SLC25A43: variants seen among roughly 807,000 people sequenced by gnomAD.
SLC25A43 encodes solute carrier family 25 member 43.
Under a neutral mutation model 22.8 loss-of-function variants are expected in SLC25A43, and 10 were observed. That is an observed-to-expected ratio of 0.44 (90% CI 0.27 to 0.74). The LOEUF is 0.74. SLC25A43 is among the 30% of genes least tolerant of loss of function. SLC25A43 has a pLI of 0.17. For missense variants in SLC25A43, 233 were observed against 279.1 expected, an observed-to-expected ratio of 0.83 and a Z score of 1.18; for synonymous variants, 106 against 121.6, an observed-to-expected ratio of 0.87 and a Z score of 0.84.
In SLC25A43 at chrX:119,453,029, A is replaced by G; in HGVS notation, c.990A>G (p.Lys330=). 1 of 1,211,385 alleles carries G rather than the reference A, an allele frequency of 8.3e-7. No homozygotes were observed. The highest frequency in any genetic ancestry group is 1.8e-5 in the South Asian group (1 of 56,971). ...QELRELKKFF[K]TRKPKPKKPT... is the part of the protein sequence containing the mutation. ...TACGAGAATTAAAGAAGTTCTTCAA[A>G]ACGAGAAAACCGAAGCCTAAAAAAC... The change falls in exon 5 of 5, where the codon AAA becomes AAG. Residue 330 remains lysine, a synonymous_variant. Transcript: ENST00000217909.
intron 4 of SLC25A43, among the ~76,000 whole-genome samples, chrX:119,452,492 CAAA>C (rs376677564): frequency 1.5e-5 from 1 of 66,072 alleles, no homozygotes; most frequent in Non-Finnish European, 3.0e-5. Flanking sequence ...AACTCCATGA[CAAA>C]AAAAAAAAAA....
At position 119,406,280 on chromosome X, in the gene SLC25A43, G is replaced by A. The variant is rs776534777; in HGVS notation, c.276-180G>A. ...GTTAGGCATCTCTTATAGCCAACTA[G>A]CATCATATAAATATAGAAAAATGTA... On this transcript the variant is annotated intron_variant, in intron 1 of 4. Transcript: ENST00000217909. 1.5e-3 allele frequency among the ~76,000 whole-genome samples: 172 copies of A among 112,373 alleles called. 1 individual carries two copies. Among genetic ancestry groups the A allele is most frequent in the African/African-American group, 5.3e-3 (165 of 31,007 alleles).
At chrX:119,434,168 CAG>C (rs1282933351) in intron 3 of SLC25A43, among the ~76,000 whole-genome samples, 1 of 110,271 alleles carries the variant, frequency 9.1e-6, no homozygotes, top group African/African-American at 3.3e-5. Flanking sequence ...AGGTGAGAGA[CAG>C]AGAAAACTTA....
At chrX:119,419,424 G>A (rs1468296987) in intron 3 of SLC25A43, among the ~76,000 whole-genome samples, 1 of 111,752 alleles carries the variant, frequency 8.9e-6, no homozygotes, top group Non-Finnish European at 1.9e-5. Flanking sequence ...GAGTGGTACA[G>A]CTGACTGAGC....
chrX:119,446,560 G>C (rs182603284), intron 3 of SLC25A43, among the ~76,000 whole-genome samples: 19 of 112,608 alleles, frequency 1.7e-4, no homozygotes, highest in South Asian at 1.5e-3. Flanking sequence ...TTACATCTTA[G>C]TAAAATAGAA....
intron 2 of SLC25A43, 113 bp downstream of exon 2, chrX:119,406,814 T>G (rs1365566240): frequency 1.1e-6 from 1 of 908,586 alleles, no homozygotes; most frequent in Admixed American, 3.3e-5. Flanking sequence ...CAAGGTTATA[T>G]GGATTCAACC....
intron 3 of SLC25A43, among the ~76,000 whole-genome samples, chrX:119,412,407 C>T (rs2052358299): frequency 9.2e-6 from 1 of 108,180 alleles, no homozygotes; most frequent in Non-Finnish European, 1.9e-5. Flanking sequence ...CAGAGTCTCA[C>T]TCTGACACCC....
At chrX:119,425,627 GAAA>G (rs58579795) in intron 3 of SLC25A43, among the ~76,000 whole-genome samples, 1 of 85,449 alleles carries the variant, frequency 1.2e-5, no homozygotes, top group Admixed American at 1.4e-4. Flanking sequence ...TTAGCAGTCA[GAAA>G]AAAAAAAAAA....
At chrX:119,414,192 G>T (rs1428415768) in intron 3 of SLC25A43, among the ~76,000 whole-genome samples, 1 of 112,326 alleles carries the variant, frequency 8.9e-6, no homozygotes, top group Non-Finnish European at 1.9e-5. Flanking sequence ...AAGCAAGGTT[G>T]CACTGGCCCT....
intron 3 of SLC25A43, among the ~76,000 whole-genome samples, chrX:119,412,070 G>A (rs1202468484): frequency 3.6e-5 from 4 of 110,625 alleles, no homozygotes; most frequent in African/African-American, 1.3e-4. Context: ...ACTTGTCCTC[G>A]CTTGCTCAAT....
intron 3 of SLC25A43, among the ~76,000 whole-genome samples, chrX:119,446,051 G>A (rs980838553): frequency 3.8e-5 from 4 of 106,511 alleles, no homozygotes; most frequent in African/African-American, 1.4e-4. Context: ...TACTCGGGAG[G>A]CTGAGGCAGG....
chrX:119,410,333 C>T lies in SLC25A43; in HGVS notation c.661C>T (p.Pro221Ser). ...AAAVTQTLSF[P>S]FETVKRKMQA... Reference sequence around the variant, plus strand: ...TGCAGTGACCCAGACCCTCTCCTTTCCCTTTGAGACCGTGAAGAGAAAGAT... The same window carrying T: ...TGCAGTGACCCAGACCCTCTCCTTTTCCTTTGAGACCGTGAAGAGAAAGAT... Residue 221 changes from proline (P) to serine (S), a missense_variant, in exon 3 of 5, where the codon CCC becomes TCC. Pro to Ser is a moderately conservative substitution (Grantham distance 74). Transcript: ENST00000217909. The T allele has an allele frequency of 8.3e-7, 1 of 1,211,113 alleles. No individual in the cohort carries two copies.
intron 3 of SLC25A43, among the ~76,000 whole-genome samples, chrX:119,443,421 C>T (rs1239114373): frequency 9.5e-6 from 1 of 105,432 alleles, no homozygotes; most frequent in Non-Finnish European, 1.9e-5. Flanking sequence ...GCGCCCAGCC[C>T]CCATTCTCTA....
chrX:119,407,586 A>G (rs2052309640), intron 2 of SLC25A43, among the ~76,000 whole-genome samples: 1 of 111,260 alleles, frequency 9.0e-6, no homozygotes, highest in African/African-American at 3.3e-5. Context: ...GCCCAAGTCC[A>G]CATAGATAGA....
Position 119,453,093 on chromosome X carries a change from C to G in SLC25A43, c.*28C>G, listed in dbSNP as rs1212036318. ...TGGAATGGAACTAGAAGTGCACTGA[C>G]TGACAGCATGTTGCAATCACAGATA... is the stretch of plus-strand genomic sequence containing the variant. On this transcript the variant is annotated 3_prime_UTR_variant, in exon 5 of 5. Coordinates refer to ENST00000217909, the MANE Select transcript of SLC25A43 (RefSeq NM_145305.3). 5 of 1,130,612 alleles carry G rather than the reference C, an allele frequency of 4.4e-6. No individual in the cohort carries two copies. Among genetic ancestry groups the G allele is most frequent in the Non-Finnish European group, 6.1e-6 (5 of 822,841 alleles). The allele number at this position is 1,130,612 out of a possible 1,213,427, so 93.2% of individuals were successfully genotyped here.
chrX:119,410,114 T>TC lies in SLC25A43; in HGVS notation c.518-70dup. On this transcript the variant is annotated intron_variant, in intron 2 of 4. Coordinates refer to ENST00000217909, the MANE Select transcript of SLC25A43 (RefSeq NM_145305.3). ...CCCCTCCTGTTTTCTTTCCCCGGAA[T>TC]CCCCCCAGGAATTTATGTTCTCAAG... The TC allele has an allele frequency of 4.6e-6, 5 of 1,083,722 alleles. No homozygotes were observed. The South Asian group carries it at 1.0e-4, about 22-fold the overall frequency. The allele number at this position is 1,083,722 out of a possible 1,213,427, so 89.3% of individuals were successfully genotyped here.
At chrX:119,402,418 A>T (rs1260230908) in intron 1 of SLC25A43, among the ~76,000 whole-genome samples, 1 of 111,679 alleles carries the variant, frequency 9.0e-6, no homozygotes, top group Non-Finnish European at 1.9e-5. Context: ...TTTCAGATGT[A>T]TCAAATAGAA....
At chrX:119,443,742 ATTTATTTATT>A (rs1259315346) in intron 3 of SLC25A43, among the ~76,000 whole-genome samples, 6 of 102,398 alleles carry the variant, frequency 5.9e-5, no homozygotes, top group African/African-American at 1.8e-4. Context: ...TTATTTATTT[ATTTATTTATT>A]TTTATTTTTT....
intron 1 of SLC25A43, among the ~76,000 whole-genome samples, chrX:119,403,229 G>A (rs1413564690): frequency 9.0e-6 from 1 of 111,163 alleles, no homozygotes; most frequent in Non-Finnish European, 1.9e-5. Flanking sequence ...ATTTCTTTGG[G>A]CATTTCAAAC....
Sources: gnomAD v4.1 joint callset for allele counts (sites outside exome capture counted in the v4.1 genomes callset) on GRCh38, gnomAD v4.1.1 for gene constraint, MANE v1.5 for transcripts, NCBI Gene and HGNC (gene_info 2026-07-23, HGNC 2026-07-21) for gene names.